The following LTBP1 variants were observed in gnomAD, a reference collection of about 807,000 sequenced individuals.
LTBP1 encodes latent-transforming growth factor beta-binding protein 1.
Under a neutral mutation model 207.6 loss-of-function variants are expected in LTBP1, and 129 were observed. The observed-to-expected ratio is 0.62, with a 90% CI of 0.54 to 0.72. The LOEUF is 0.72. Among genes scored for constraint, LTBP1 ranks in the 30% least tolerant of loss-of-function variants. The pLI, the probability that LTBP1 is intolerant of heterozygous loss-of-function variation, is 0.00. For synonymous variants in LTBP1, 963 were observed against 833.7 expected (o/e 1.16, Z -2.67); for missense variants, 2,281 against 2,217.2 (o/e 1.03, Z -0.58).
At chr2:33,045,570 T>G (rs918355241) in intron 3 of LTBP1, among the ~76,000 whole-genome samples, 3 of 152,196 alleles carry the variant, frequency 2.0e-5, no homozygotes, top group Admixed American at 2.0e-4. Context: ...TTGTTCTTTT[T>G]GCTTAGGATT....
intron 3 of LTBP1, among the ~76,000 whole-genome samples, chr2:33,046,643 G>C (rs1414347474): frequency 2.7e-5 from 4 of 150,114 alleles, no homozygotes; most frequent in African/African-American, 9.7e-5. Context: ...AGTTAGGGAG[G>C]TGTCCCTCTT....
rs1676396386 is a variant in LTBP1, at chr2:32,947,654, T to G, written c.330T>G (p.Arg110=). The part of the protein sequence containing the change: ...PPPPPPPEPA[R]PAVPGGQLHP... ...CGCCGCCGCCGCCGGAGCCTGCGCGTCCCGCGGTCCCCGGCGGGCAGCTCC... is the reference window on the plus strand; with the variant it reads ...CGCCGCCGCCGCCGGAGCCTGCGCGGCCCGCGGTCCCCGGCGGGCAGCTCC... Residue 110 remains arginine (R), a synonymous_variant, in exon 1 of 34, where the codon CGT becomes CGG. Transcript: ENST00000404816. The G allele has an allele frequency of 3.5e-6, 5 of 1,411,244 alleles. No homozygotes were observed. The highest frequency in any genetic ancestry group is 1.5e-5 in the African/African-American group (1 of 66,396). The allele number at this position is 1,411,244 out of a possible 1,614,324, so 87.4% of individuals were successfully genotyped here. A position where few individuals can be genotyped will look rare whatever the true frequency, so the allele number is the denominator to read the frequency against.
intron 9 of LTBP1, among the ~76,000 whole-genome samples, chr2:33,237,629 A>C (rs1055093817): frequency 6.6e-6 from 1 of 152,248 alleles, no homozygotes; most frequent in South Asian, 2.1e-4. Context: ...AGTCTCTGCC[A>C]TTTAACCTAA....
rs866686077 is a variant in LTBP1 at position 33,348,544 on chromosome 2, A to G, written c.4000+1034A>G. On this transcript the variant is annotated intron_variant, in intron 26 of 33. Transcript: ENST00000404816. The stretch of plus-strand genomic sequence containing the variant: ...CATTTTAATTGGATCTACAATAGCA[A>G]AAAACAAACCAAAAAACAAAAAAAT... 3.3e-5 allele frequency among the ~76,000 whole-genome samples: 5 copies of G among 152,210 alleles called. No individual in the cohort carries two copies. The South Asian group carries it at 8.3e-4, about 25-fold the overall frequency.
intron 2 of LTBP1, among the ~76,000 whole-genome samples, chr2:32,977,900 A>T (rs544173607): frequency 3.3e-5 from 5 of 152,032 alleles, no homozygotes; most frequent in African/African-American, 9.6e-5. Context: ...TCTTGCATCA[A>T]TGTTTTGTAG....
chr2:33,074,571 A>G (rs1204199886), intron 3 of LTBP1, among the ~76,000 whole-genome samples: 1 of 152,122 alleles, frequency 6.6e-6, no homozygotes, highest in Non-Finnish European at 1.5e-5. Flanking sequence ...TGTCTCTACT[A>G]AAAATACAAA....
intron 3 of LTBP1, among the ~76,000 whole-genome samples, chr2:33,095,419 T>C (rs999815532): frequency 6.6e-6 from 1 of 152,208 alleles, no homozygotes; most frequent in African/African-American, 2.4e-5. Context: ...AGAACTGAGC[T>C]ATTGCACACT....
At chr2:33,370,915 G>T (rs114381734) in intron 31 of LTBP1, among the ~76,000 whole-genome samples, 4 of 152,156 alleles carry the variant, frequency 2.6e-5, no homozygotes, top group Non-Finnish European at 5.9e-5. Context: ...GCTCCAGAGC[G>T]AGCTTTCACA....
intron 3 of LTBP1, among the ~76,000 whole-genome samples, chr2:33,094,425 G>A (rs897866936): frequency 6.6e-6 from 1 of 152,104 alleles, no homozygotes; most frequent in Non-Finnish European, 1.5e-5. Context: ...ATTTTTTGAT[G>A]TTGCATAAGT....
At chr2:33,201,289 A>G (rs2089227958) in intron 7 of LTBP1, among the ~76,000 whole-genome samples, 2 of 152,196 alleles carry the variant, frequency 1.3e-5, no homozygotes, top group African/African-American at 4.8e-5. Context: ...ATGGAATACT[A>G]TGCAGCCATA....
chr2:33,382,111 T>TTTTTTTTTTTTTTG lies in LTBP1; in HGVS notation c.4712-7072_4712-7071insTTTTTTTTTTTTGT, dbSNP rs1553316521. 1.1e-4 allele frequency among the ~76,000 whole-genome samples: 11 copies of TTTTTTTTTTTTTTG among 103,650 alleles called. 3 individuals are homozygous for TTTTTTTTTTTTTTG. Among genetic ancestry groups the TTTTTTTTTTTTTTG allele is most frequent in the African/African-American group, 5.3e-4 (11 of 20,680 alleles). The allele number at this position is 103,650 out of a possible 152,430, so 68.0% of individuals were successfully genotyped here. The stretch of plus-strand genomic sequence containing the variant: ...TTTTTTTTTTTTTTTTTTTTTTTTT[T>TTTTTTTTTTTTTTG]TGAGACAGAGTCTCGCTCTGTTGCC... On this transcript the variant is annotated intron_variant, in intron 31 of 33. Transcript: ENST00000404816.
intron 7 of LTBP1, among the ~76,000 whole-genome samples, chr2:33,208,606 C>T (rs1328414720): frequency 6.6e-6 from 1 of 152,148 alleles, no homozygotes; most frequent in African/African-American, 2.4e-5. Flanking sequence ...ACCTGGCAGG[C>T]AGGGGGCACC....
At chr2:33,266,562 C>T (rs540631734) in intron 15 of LTBP1, among the ~76,000 whole-genome samples, 2 of 152,230 alleles carry the variant, frequency 1.3e-5, no homozygotes, top group Admixed American at 1.3e-4. Context: ...TTTTTCTAGG[C>T]CCTCCATGAT....
intron 24 of LTBP1, among the ~76,000 whole-genome samples, chr2:33,335,913 G>T (rs1486385672): frequency 6.6e-6 from 1 of 152,118 alleles, no homozygotes; most frequent in Non-Finnish European, 1.5e-5. Flanking sequence ...AGCTAAAATA[G>T]TGGGCCATTT....
At chr2:33,092,181 ACACACACACACACGCG>A (rs1174376709) in intron 3 of LTBP1, among the ~76,000 whole-genome samples, 1 of 144,158 alleles carries the variant, frequency 6.9e-6, no homozygotes, top group African/African-American at 2.4e-5. Flanking sequence ...GTGCGCATGC[ACACACACACACACGCG>A]CACACACACA....
At chr2:33,155,027 C>T (rs149467012) in intron 5 of LTBP1, among the ~76,000 whole-genome samples, 2,285 of 152,254 alleles carry the variant, frequency 0.015, 21 homozygotes, top group East Asian at 0.027. Context: ...CATGCCATTG[C>T]ATTCCAGCCT....
In LTBP1 at chr2:32,947,641, C is replaced by G; in HGVS notation, c.317C>G (p.Pro106Arg). The G allele has an allele frequency of 7.3e-7, 1 of 1,376,816 alleles. No individual in the cohort carries two copies. Among genetic ancestry groups the G allele is most frequent in the Non-Finnish European group, 9.4e-7 (1 of 1,065,504 alleles). The allele number at this position is 1,376,816 out of a possible 1,614,324, so 85.3% of individuals were successfully genotyped here. A position where few individuals can be genotyped will look rare whatever the true frequency, so the allele number is the denominator to read the frequency against. ...CTCAGACCGCCGCCGCCGCCGCCGCCGGAGCCTGCGCGTCCCGCGGTCCCC... is the reference window on the plus strand; with the variant it reads ...CTCAGACCGCCGCCGCCGCCGCCGCGGGAGCCTGCGCGTCCCGCGGTCCCC... The part of the protein sequence containing the change: ...QGLRPPPPPP[P>R]EPARPAVPGG... Residue 106 changes from proline to arginine, a missense_variant, in exon 1 of 34, where the codon CCG (proline) becomes CGG (arginine). By Grantham distance (103) the Pro-to-Arg change is moderately radical (BLOSUM62 -2). Around this residue, in one of 3 missense-constraint regions of LTBP1, gnomAD observed 555 missense variants for 491.0 expected, o/e 1.13. Transcript: ENST00000404816.
chr2:33,234,844 T>C (rs1041383084), intron 9 of LTBP1, among the ~76,000 whole-genome samples: 1 of 151,344 alleles, frequency 6.6e-6, no homozygotes, highest in Non-Finnish European at 1.5e-5. Context: ...ACAGTAACTG[T>C]ATATGCAGAA....
chr2:33,152,272 A>G (rs570877003), intron 5 of LTBP1, among the ~76,000 whole-genome samples: 13 of 152,310 alleles, frequency 8.5e-5, no homozygotes, highest in South Asian at 8.3e-4. Flanking sequence ...TGAATGGACA[A>G]TTCTCAAAAG....
Sources: gnomAD v4.1 joint callset for allele counts (sites outside exome capture counted in the v4.1 genomes callset) on GRCh38, gnomAD v4.1.1 for gene constraint, gnomAD v4.1.1 regional missense constraint, MANE v1.5 for transcripts, NCBI Gene and HGNC (gene_info 2026-07-23, HGNC 2026-07-21) for gene names.